Variants in FOXP1 observed in about 807,000 individuals in gnomAD.
The protein encoded by FOXP1 is forkhead box protein P1.
A neutral mutation model predicts 98.2 loss-of-function variants in FOXP1; 15 were observed. The observed-to-expected ratio is 0.15, with a 90% CI of 0.10 to 0.24. The LOEUF (loss-of-function observed/expected upper bound fraction) is 0.24. Among genes scored for constraint, FOXP1 ranks in the 10% least tolerant of loss-of-function variants. FOXP1 has a pLI of 1.00. For synonymous variants in FOXP1, 371 were observed against 314.5 expected, an observed-to-expected ratio of 1.18 and a Z score of -1.90; for missense variants, 633 against 848.5, an observed-to-expected ratio of 0.75 and a Z score of 3.15.
At chr3:71,317,067 T>G in intron 4 of FOXP1, among the ~76,000 whole-genome samples, 1 of 152,128 alleles carries the variant, frequency 6.6e-6, no homozygotes, top group East Asian at 1.9e-4. Flanking sequence ...CCCCAACATA[T>G]GTAATCAAAT....
At chr3:71,413,711 A>G (rs1043077400) in intron 3 of FOXP1, among the ~76,000 whole-genome samples, 2 of 152,200 alleles carry the variant, frequency 1.3e-5, no homozygotes, top group African/African-American at 4.8e-5. Flanking sequence ...GGAAAAAGAC[A>G]AACTACCAAA....
intron 3 of FOXP1, among the ~76,000 whole-genome samples, chr3:71,369,844 A>G (rs2079175140): frequency 6.6e-6 from 1 of 152,208 alleles, no homozygotes; most frequent in Non-Finnish European, 1.5e-5. Flanking sequence ...GCCAGACACT[A>G]TGTTTGAAGC....
At chr3:71,297,678 C>T (rs1576835003) in intron 5 of FOXP1, among the ~76,000 whole-genome samples, 3 of 145,584 alleles carry the variant, frequency 2.1e-5, no homozygotes, top group Admixed American at 1.4e-4. Context: ...AACAGTGGTG[C>T]GATCTCAGTT....
intron 5 of FOXP1, chr3:71,244,991 AAG>A (rs2067612006): frequency 6.6e-6 from 1 of 152,222 alleles, no homozygotes; most frequent in East Asian, 1.9e-4. Flanking sequence ...AAAAAAAGAA[AAG>A]GCAGTGGCTT....
intron 3 of FOXP1, among the ~76,000 whole-genome samples, chr3:71,487,357 C>A (rs561205933): frequency 6.6e-6 from 1 of 152,124 alleles, no homozygotes; most frequent in Non-Finnish European, 1.5e-5. Context: ...AGCACCCAGC[C>A]CAGATTCTTT....
rs1680804474 is a variant in FOXP1 at position 70,957,931 on chromosome 3, A to G, written c.*1316T>C. On this transcript the variant is annotated 3_prime_UTR_variant, in exon 21 of 21. Coordinates refer to ENST00000649528, the MANE Select transcript of FOXP1 (RefSeq NM_001349338.3). ...CCACCAAGTAGGTCTGAACTAATGT[A>G]TAAACTCAGCGCCGCCGCCGCCACC... 8.2e-6 allele frequency: 2 copies of G among 243,914 alleles called. No individual in the cohort carries two copies. 15.1% of individuals were successfully genotyped at this position (243,914 alleles called of 1,614,324 possible). A position where few individuals can be genotyped will look rare whatever the true frequency, so the allele number is the denominator to read the frequency against.
intron 2 of FOXP1, among the ~76,000 whole-genome samples, chr3:71,553,713 C>T (rs923944946): frequency 6.6e-6 from 1 of 152,146 alleles, no homozygotes; most frequent in Non-Finnish European, 1.5e-5. Context: ...TGCACATTTA[C>T]AAAAGTTTAA....
intron 2 of FOXP1, among the ~76,000 whole-genome samples, chr3:71,546,467 T>C (rs1283996242): frequency 1.3e-5 from 2 of 152,170 alleles, no homozygotes; most frequent in East Asian, 3.8e-4. Context: ...TAAGGTCCCT[T>C]TAAGAAACTT....
intron 17 of FOXP1, among the ~76,000 whole-genome samples, chr3:70,973,244 G>GCCCCGCCCCCGC (rs1553663775): frequency 1.7e-5 from 1 of 58,920 alleles, no homozygotes; most frequent in East Asian, 4.9e-4. Context: ...CCCCGCCCCC[G>GCCCCGCCCCCGC]CCCCGCCCCG....
At chr3:71,037,573 T>TC in intron 11 of FOXP1, among the ~76,000 whole-genome samples, 1 of 152,244 alleles carries the variant, frequency 6.6e-6, no homozygotes, top group Admixed American at 6.5e-5. Flanking sequence ...CTCTTGCTGC[T>TC]CCCCCTTAGC....
At chr3:71,489,044 G>A (rs2090872339) in intron 3 of FOXP1, among the ~76,000 whole-genome samples, 1 of 152,182 alleles carries the variant, frequency 6.6e-6, no homozygotes, top group South Asian at 2.1e-4. Flanking sequence ...AACCCTGTCG[G>A]CTGGCTCTCC....
intron 7 of FOXP1, among the ~76,000 whole-genome samples, chr3:71,077,702 C>G (rs758366791): frequency 1.3e-5 from 2 of 152,178 alleles, no homozygotes; most frequent in Admixed American, 6.5e-5. Context: ...ACATACCACT[C>G]GTCAACAAAG....
intron 3 of FOXP1, among the ~76,000 whole-genome samples, chr3:71,384,054 T>TA (rs2080383247): frequency 6.6e-6 from 1 of 151,994 alleles, no homozygotes; most frequent in Admixed American, 6.6e-5. Flanking sequence ...CTGCCTCTAC[T>TA]AAAAATACAA....
At chr3:71,496,985 T>TGTGTGTGTGTGTG (rs1560567356) in intron 2 of FOXP1, among the ~76,000 whole-genome samples, 12 of 151,134 alleles carry the variant, frequency 7.9e-5, no homozygotes, top group South Asian at 2.1e-4. Flanking sequence ...TGTGTGTGTG[T>TGTGTGTGTGTGTG]TGTTAAGAAT....
intron 2 of FOXP1, among the ~76,000 whole-genome samples, chr3:71,560,705 A>G (rs2046468973): frequency 6.6e-6 from 1 of 152,258 alleles, no homozygotes; most frequent in African/African-American, 2.4e-5. Context: ...TATCTATACA[A>G]TGAAATATTA....
chr3:71,209,756 T>C (rs1280293383), intron 5 of FOXP1, among the ~76,000 whole-genome samples: 4 of 152,218 alleles, frequency 2.6e-5, no homozygotes, highest in Admixed American at 6.5e-5. Context: ...TATCATGCCT[T>C]ATCAGAGATA....
intron 6 of FOXP1, among the ~76,000 whole-genome samples, chr3:71,131,794 C>A (rs1484076313): frequency 1.3e-5 from 2 of 152,118 alleles, no homozygotes; most frequent in Non-Finnish European, 2.9e-5. Flanking sequence ...CTGAGTATTA[C>A]AATAGCAGAA....
At position 70,976,926 on chromosome 3, in the gene FOXP1, C is replaced by T. The variant is rs1297616637; in HGVS notation, c.1530+15G>A. 1.3e-6 allele frequency: 2 copies of T among 1,588,252 alleles called. No homozygotes were observed. The highest frequency in any genetic ancestry group is 3.3e-5 in the Admixed American group (2 of 59,976). Reference sequence around the variant, plus strand: ...ACGTCAAGATCCAAGAATAAACAGGCCTGAGAAAGCTTACCTTCCACGTGG... The same window carrying T: ...ACGTCAAGATCCAAGAATAAACAGGTCTGAGAAAGCTTACCTTCCACGTGG... On this transcript the variant is annotated intron_variant, in intron 17 of 20. Coordinates refer to ENST00000649528, the MANE Select transcript of FOXP1 (RefSeq NM_001349338.3).
In FOXP1 at chr3:71,041,380, G is replaced by C; in HGVS notation, c.817C>G (p.Pro273Ala). 6.2e-7 allele frequency: 1 copy of C among 1,613,748 alleles called. No individual in the cohort carries two copies. Among genetic ancestry groups the C allele is most frequent in the South Asian group, 1.1e-5 (1 of 91,088 alleles). Residue 273 changes from proline (P) to alanine (A), a missense_variant, in exon 11 of 21, where the codon CCA becomes GCA. Physicochemically the swap from Pro to Ala is conservative, Grantham distance 27. Transcript: ENST00000649528. ...AGCTGTCCATTGGTAGAGGCATGTG[G>C]GTTCATTATTAAGGAGGTCTTGGAA... Reference protein sequence around the residue: ...APSKTSLIMNPHASTNGQLSV... With the variant: ...APSKTSLIMNAHASTNGQLSV...
Sources: allele counts gnomAD v4.1 joint callset (sites outside exome capture counted in the v4.1 genomes callset), GRCh38; gene constraint gnomAD v4.1.1; transcripts MANE v1.5; gene names NCBI Gene and HGNC (gene_info 2026-07-23, HGNC 2026-07-21).